Variants in NCOA1 observed in about 807,000 individuals in gnomAD.
NCOA1 encodes the protein nuclear receptor coactivator 1.
Under a neutral mutation model 150.9 loss-of-function variants are expected in NCOA1, and 35 were observed. That is an observed-to-expected ratio of 0.23 (90% CI 0.18 to 0.31). The LOEUF is 0.31. Ranked by LOEUF, NCOA1 falls within the 10% of genes least tolerant of loss-of-function variation. NCOA1 has a pLI of 1.00. For missense variants in NCOA1, 1,491 were observed against 1,749.3 expected (o/e 0.85, Z 2.63); for synonymous variants, 590 against 630.0 (o/e 0.94, Z 0.95).
rs767098053 is a variant in NCOA1 at position 24,691,517 on chromosome 2, G to A, written c.569G>A (p.Arg190Gln). 2.9e-5 allele frequency: 47 copies of A among 1,613,836 alleles called. No individual in the cohort carries two copies. The highest frequency in any genetic ancestry group is 3.6e-5 in the Non-Finnish European group (43 of 1,179,928). The change falls in exon 9 of 23, where the codon CGA becomes CAA. Residue 190 changes from arginine to glutamine, a missense_variant. Arg to Gln is a conservative substitution (Grantham distance 43, BLOSUM62 1). This residue lies in a region of NCOA1 where 99 missense variants were observed against 122.8 expected (regional missense o/e 0.81). Coordinates refer to ENST00000348332, the MANE Select transcript of NCOA1 (RefSeq NM_003743.5). ...CCTTGGCCTCAAGAGGCAACACGACGAAATAGCCATACCTTTAACTGCAGG... is the reference window on the plus strand; with the variant it reads ...CCTTGGCCTCAAGAGGCAACACGACAAAATAGCCATACCTTTAACTGCAGG... ...GVPWPQEATRRNSHTFNCRML... is the reference protein window; with the variant it reads ...GVPWPQEATRQNSHTFNCRML...
At chr2:24,580,108 T>A (rs1667138135) in intron 2 of NCOA1, among the ~76,000 whole-genome samples, 2 of 152,228 alleles carry the variant, frequency 1.3e-5, no homozygotes, top group Non-Finnish European at 1.5e-5. Flanking sequence ...CTGCTGTCAT[T>A]TGAATTATTT....
At chr2:24,678,017 C>T (rs1671997672) in intron 7 of NCOA1, among the ~76,000 whole-genome samples, 1 of 152,040 alleles carries the variant, frequency 6.6e-6, no homozygotes, top group Non-Finnish European at 1.5e-5. Flanking sequence ...AGCTATTCTT[C>T]CTCATACTCC....
At chr2:24,680,735 C>CA (rs1002842174) in intron 7 of NCOA1, among the ~76,000 whole-genome samples, 43 of 151,286 alleles carry the variant, frequency 2.8e-4, no homozygotes, top group African/African-American at 6.1e-4. Context: ...GTTTTCACCA[C>CA]AAAAAAAATG....
chr2:24,665,005 A>C (rs942001957), intron 5 of NCOA1, among the ~76,000 whole-genome samples: 2 of 152,196 alleles, frequency 1.3e-5, no homozygotes, highest in Admixed American at 1.3e-4. Context: ...GGAAGGCAAA[A>C]ATGAATCATA....
intron 1 of NCOA1, among the ~76,000 whole-genome samples, chr2:24,502,935 T>G (rs1308426865): frequency 6.6e-6 from 1 of 152,224 alleles, no homozygotes; most frequent in African/African-American, 2.4e-5. Context: ...TACAACCTTG[T>G]ACCTTATGAA....
chr2:24,769,123 T>A lies in NCOA1; in HGVS notation c.*732T>A, dbSNP rs1475192910. ...GACAAGAAGTGAGTTGTGTCAATTATTGTAGATACAATTTTCTGATTAAAT... is the reference window on the plus strand; with the variant it reads ...GACAAGAAGTGAGTTGTGTCAATTAATGTAGATACAATTTTCTGATTAAAT... On this transcript the variant is annotated 3_prime_UTR_variant, in exon 23 of 23. Coordinates refer to ENST00000348332, the MANE Select transcript of NCOA1 (RefSeq NM_003743.5). 1.4e-5 allele frequency: 3 copies of A among 209,150 alleles called. No individual in the cohort carries two copies. The highest frequency in any genetic ancestry group is 4.5e-5 in the African/African-American group (2 of 43,990). The allele number at this position is 209,150 out of a possible 1,614,324, so 13.0% of individuals were successfully genotyped here.
chr2:24,587,215 T>C (rs559329258), intron 3 of NCOA1, among the ~76,000 whole-genome samples: 1 of 152,284 alleles, frequency 6.6e-6, no homozygotes, highest in East Asian at 1.9e-4. Context: ...CCTGGAGTTT[T>C]GCCATGTGTG....
At chr2:24,613,113 A>G (rs1417027086) in intron 3 of NCOA1, among the ~76,000 whole-genome samples, 1 of 149,678 alleles carries the variant, frequency 6.7e-6, no homozygotes, top group Non-Finnish European at 1.5e-5. Flanking sequence ...CCATTCCCCA[A>G]CTCCCTAGGG....
At chr2:24,588,318 A>G (rs1169184745) in intron 3 of NCOA1, among the ~76,000 whole-genome samples, 1 of 152,156 alleles carries the variant, frequency 6.6e-6, no homozygotes, top group Non-Finnish European at 1.5e-5. Context: ...CCCAGCCTCA[A>G]GCAATCCTCC....
chr2:24,554,632 C>G (rs1254417014), intron 1 of NCOA1: 5 of 152,312 alleles, frequency 3.3e-5, no homozygotes, highest in African/African-American at 4.8e-5. Flanking sequence ...AATCCTGCTC[C>G]AGAACCTCTT....
Position 24,646,740 on chromosome 2 carries a change from A to G in NCOA1, c.-18+2618A>G, listed in dbSNP as rs574265661. On this transcript the variant is annotated intron_variant, in intron 4 of 22. Coordinates refer to ENST00000348332, the MANE Select transcript of NCOA1 (RefSeq NM_003743.5). Reference sequence around the variant, plus strand: ...TTTTTTAATGAAAAGGTTATCTTAAATAACAAAGTCTACAAAGAGTTTTCA... The same window carrying G: ...TTTTTTAATGAAAAGGTTATCTTAAGTAACAAAGTCTACAAAGAGTTTTCA... Among the ~76,000 whole-genome samples the G allele has an allele frequency of 5.3e-5, 8 of 150,804 alleles. No individual in the cohort carries two copies. The East Asian group carries it at 1.6e-3, about 29-fold the overall frequency.
At chr2:24,509,463 G>A (rs1041102078) in intron 1 of NCOA1, among the ~76,000 whole-genome samples, 4 of 152,210 alleles carry the variant, frequency 2.6e-5, no homozygotes, top group Admixed American at 2.0e-4. Context: ...TGAGAAGTAC[G>A]CTGGGATGAC....
intron 5 of NCOA1, among the ~76,000 whole-genome samples, chr2:24,660,901 G>GAA (rs901046292): frequency 6.9e-6 from 1 of 145,498 alleles, no homozygotes. Flanking sequence ...CTCTATTTAA[G>GAA]AAAAAAAAAA....
chr2:24,509,845 T>C (rs139888409), intron 1 of NCOA1, among the ~76,000 whole-genome samples: 1 of 152,278 alleles, frequency 6.6e-6, no homozygotes, highest in Non-Finnish European at 1.5e-5. Flanking sequence ...TAATTGAATG[T>C]ATAATATTTT....
chr2:24,680,970 A>T (rs1378074898), intron 7 of NCOA1, among the ~76,000 whole-genome samples: 1 of 152,178 alleles, frequency 6.6e-6, no homozygotes, highest in African/African-American at 2.4e-5. Context: ...AATCCTACCC[A>T]CAAACTGTGC....
intron 1 of NCOA1, among the ~76,000 whole-genome samples, chr2:24,502,158 G>C (rs548143116): frequency 3.9e-5 from 6 of 152,174 alleles, no homozygotes; most frequent in Admixed American, 6.5e-5. Context: ...TGGGTGTAGA[G>C]ACAGGAATAT....
At chr2:24,605,272 A>G (rs1668314300) in intron 3 of NCOA1, among the ~76,000 whole-genome samples, 1 of 152,226 alleles carries the variant, frequency 6.6e-6, no homozygotes, top group Non-Finnish European at 1.5e-5. Context: ...TGCTTGGATC[A>G]GGGTTGCCAC....
At chr2:24,533,658 G>T (rs1241041434) in intron 1 of NCOA1, among the ~76,000 whole-genome samples, 2 of 152,116 alleles carry the variant, frequency 1.3e-5, no homozygotes, top group African/African-American at 2.4e-5. Context: ...TAGCATGAAG[G>T]GCTGTTGAAT....
chr2:24,726,563 C>G, intron 14 of NCOA1, 26 bp from the exon 15 acceptor site: 1 of 1,465,596 alleles, frequency 6.8e-7, no homozygotes, highest in Non-Finnish European at 9.5e-7. Flanking sequence ...GAGATAATGA[C>G]TTCTTACCTT....
Sources: allele counts gnomAD v4.1 joint callset (sites outside exome capture counted in the v4.1 genomes callset), GRCh38; gene constraint gnomAD v4.1.1; regional missense constraint gnomAD v4.1.1; transcripts MANE v1.5; gene names NCBI Gene and HGNC (gene_info 2026-07-23, HGNC 2026-07-21).